The following MALRD1 variants were observed in gnomAD, a reference collection of about 807,000 sequenced individuals.
The protein encoded by MALRD1 is MAM and LDL receptor class A domain containing 1, also known as MAM and LDL-receptor class A domain-containing protein 1.
In MALRD1, 247 loss-of-function variants were observed where a neutral mutation model predicts 242.1. That is an observed-to-expected ratio of 1.02 (90% CI 0.92 to 1.13). The LOEUF (loss-of-function observed/expected upper bound fraction) is 1.13, where lower values mean the gene tolerates loss of function less well. MALRD1 is among the 50% of genes most tolerant of loss of function. The pLI is 0.00. For missense variants in MALRD1, 2,989 were observed against 2,533.1 expected, an observed-to-expected ratio of 1.18 and a Z score of -3.86; for synonymous variants, 995 against 866.6, an observed-to-expected ratio of 1.15 and a Z score of -2.60.
In MALRD1 at chr10:19,466,077, A is replaced by G. The variant is rs1344798516; in HGVS notation, c.5029+15587A>G. On this transcript the variant is annotated intron_variant, in intron 29 of 39. Transcript: ENST00000454679. ...CATCTATGATTAATAATGGGGTTGA[A>G]TGTTTTTTAAAGATTCATGAGCTAA... is the stretch of plus-strand genomic sequence containing the variant. 3.3e-5 allele frequency among the ~76,000 whole-genome samples: 5 copies of G among 152,290 alleles called. No individual in the cohort carries two copies. The East Asian group carries it at 9.6e-4, about 29-fold the overall frequency.
chr10:19,388,844 C>T (rs1218435003), intron 27 of MALRD1, among the ~76,000 whole-genome samples: 1 of 76,514 alleles, frequency 1.3e-5, no homozygotes, highest in South Asian at 4.2e-4. Flanking sequence ...ACGTCATAGG[C>T]AAAGAAGTCT....
At chr10:19,633,191 A>G (rs1839984145) in intron 36 of MALRD1, among the ~76,000 whole-genome samples, 1 of 152,138 alleles carries the variant, frequency 6.6e-6, no homozygotes, top group African/African-American at 2.4e-5. Flanking sequence ...AGATCGTGAC[A>G]CTGCACTGCA....
intron 5 of MALRD1, among the ~76,000 whole-genome samples, chr10:19,112,092 C>G (rs1439763563): frequency 1.3e-5 from 2 of 151,864 alleles, no homozygotes; most frequent in Non-Finnish European, 2.9e-5. Context: ...GGGCTTCACT[C>G]CAGTGATAGA....
chr10:19,099,749 C>CTATATATA (rs1051105680), intron 4 of MALRD1, among the ~76,000 whole-genome samples: 2 of 107,740 alleles, frequency 1.9e-5, no homozygotes, highest in African/African-American at 8.5e-5. Flanking sequence ...TCCATAGAAC[C>CTATATATA]TATATATATA....
chr10:19,410,035 ATAATCT>A (rs1447230893), intron 28 of MALRD1, among the ~76,000 whole-genome samples: 1 of 152,160 alleles, frequency 6.6e-6, no homozygotes, highest in Non-Finnish European at 1.5e-5. Flanking sequence ...GGACAAGAAA[ATAATCT>A]TAGTCATTGA....
intron 5 of MALRD1, among the ~76,000 whole-genome samples, chr10:19,108,669 G>A (rs548761034): frequency 7.6e-5 from 2 of 26,346 alleles, no homozygotes; most frequent in Non-Finnish European, 1.2e-4. Flanking sequence ...CACCCGCCTC[G>A]GCCTCCCAAA....
At chr10:19,508,165 A>G (rs1313512228) in intron 31 of MALRD1, among the ~76,000 whole-genome samples, 1 of 152,192 alleles carries the variant, frequency 6.6e-6, no homozygotes, top group Non-Finnish European at 1.5e-5. Context: ...AACTACTGCA[A>G]TAAAGATGCT....
intron 28 of MALRD1, among the ~76,000 whole-genome samples, chr10:19,415,659 G>A (rs1346434580): frequency 6.6e-6 from 1 of 151,890 alleles, no homozygotes; most frequent in African/African-American, 2.4e-5. Flanking sequence ...TTTAAGAAAT[G>A]GGTCTAGAGA....
intron 16 of MALRD1, 56 bp downstream of exon 16, chr10:19,204,469 T>A: frequency 8.2e-7 from 1 of 1,214,980 alleles, no homozygotes. Context: ...GGTGGTGAAG[T>A]GTTTGCAGGC....
chr10:19,567,029 G>A (rs2131460525), intron 32 of MALRD1, among the ~76,000 whole-genome samples: 1 of 152,142 alleles, frequency 6.6e-6, no homozygotes, highest in Non-Finnish European at 1.5e-5. Context: ...GTTCATCCAG[G>A]AAGATTTTCT....
At chr10:19,253,297 A>G (rs1019277708) in intron 18 of MALRD1, among the ~76,000 whole-genome samples, 1 of 152,034 alleles carries the variant, frequency 6.6e-6, no homozygotes, top group Non-Finnish European at 1.5e-5. Flanking sequence ...TGCTGGTTAT[A>G]AAATGCCACA....
At chr10:19,467,544 AG>A (rs1287615829) in intron 29 of MALRD1, among the ~76,000 whole-genome samples, 1 of 151,880 alleles carries the variant, frequency 6.6e-6, no homozygotes, top group Non-Finnish European at 1.5e-5. Context: ...TTGAGATACC[AG>A]GGGTTGGCTG....
In MALRD1 at chr10:19,727,768, A is replaced by ATT. The variant is rs5783695; in HGVS notation, c.6315-2926_6315-2925dup. 2.1e-3 allele frequency among the ~76,000 whole-genome samples: 312 copies of ATT among 146,564 alleles called. 1 individual carries two copies. The highest frequency in any genetic ancestry group is 4.1e-3 in the African/African-American group (162 of 39,892). On this transcript the variant is annotated intron_variant, in intron 38 of 39. Transcript: ENST00000454679. ...ACAAATACAGTAAGTCAAACATTGC[A>ATT]TTTTTTTTTTTTTGGCCTGATGAAG...
At position 19,083,649 on chromosome 10, in the gene MALRD1, T is replaced by C. The variant is rs138304859; in HGVS notation, c.341-4191T>C. 5.9e-5 allele frequency among the ~76,000 whole-genome samples: 9 copies of C among 152,074 alleles called. No homozygotes were observed. The East Asian group carries it at 1.7e-3, about 30-fold the overall frequency. ...CCAAAAGACAGGTCAAATAATACAA[T>C]TGTTTGAGAATGAGGCTTTGAAAAA... On this transcript the variant is annotated intron_variant, in intron 2 of 39. Transcript: ENST00000454679.
At chr10:19,647,188 T>C (rs1195561815) in intron 36 of MALRD1, among the ~76,000 whole-genome samples, 60 of 152,240 alleles carry the variant, frequency 3.9e-4, no homozygotes, top group Admixed American at 3.9e-3. Context: ...CCCTGTTTTA[T>C]CTGGAAAAAG....
Position 19,562,297 on chromosome 10 carries a change from G to GTAGATAGATAGATAGATAGA in MALRD1, c.5479-5177_5479-5158dup, listed in dbSNP as rs78473002. Among the ~76,000 whole-genome samples the GTAGATAGATAGATAGATAGA allele has an allele frequency of 7.4e-4, 107 of 144,762 alleles. 1 individual carries two copies. The highest frequency in any genetic ancestry group is 3.4e-3 in the East Asian group (16 of 4,740). 95.0% of individuals were successfully genotyped at this position (144,762 alleles called of 152,430 possible). A position where few individuals can be genotyped will look rare whatever the true frequency, so the allele number is the denominator to read the frequency against. ...GCAACAGAGCGAGATGCTGTCTTAG[G>GTAGATAGATAGATAGATAGA]TAGATAGATAGATAGATAGATAGAT... On this transcript the variant is annotated intron_variant, in intron 32 of 39. Transcript: ENST00000454679.
chr10:19,338,770 A>G (rs1843712571), intron 24 of MALRD1, among the ~76,000 whole-genome samples: 1 of 151,700 alleles, frequency 6.6e-6, no homozygotes, highest in Non-Finnish European at 1.5e-5. Context: ...ATACTCTTTA[A>G]GTTATTTTAA....
chr10:19,584,377 C>T (rs1484727144), intron 33 of MALRD1, among the ~76,000 whole-genome samples: 3 of 151,930 alleles, frequency 2.0e-5, no homozygotes, highest in Non-Finnish European at 4.4e-5. Context: ...TATAAATTTC[C>T]CTCTACACAC....
chr10:19,099,572 C>A (rs973846093), intron 4 of MALRD1, among the ~76,000 whole-genome samples: 3 of 151,912 alleles, frequency 2.0e-5, no homozygotes, highest in African/African-American at 7.3e-5. Flanking sequence ...TTTTATTTTG[C>A]TGCTTTGCTC....
Sources: allele counts gnomAD v4.1 joint callset (sites outside exome capture counted in the v4.1 genomes callset), GRCh38; gene constraint gnomAD v4.1.1; transcripts MANE v1.5; gene names NCBI Gene and HGNC (gene_info 2026-07-23, HGNC 2026-07-21).